Variants in NTRK3 observed in about 807,000 individuals in gnomAD.
NTRK3 encodes the protein neurotrophic receptor tyrosine kinase 3.
In NTRK3, 24 loss-of-function variants were observed where a neutral mutation model predicts 91.7. The observed-to-expected ratio is 0.26, with a 90% CI of 0.19 to 0.37. The LOEUF is 0.37. NTRK3 is among the 10% of genes least tolerant of loss of function. NTRK3 has a pLI of 1.00. For synonymous variants in NTRK3, 483 were observed against 404.0 expected (o/e 1.20, Z -2.34); for missense variants, 880 against 1,068.9 (o/e 0.82, Z 2.46).
At chr15:88,166,478 TG>T (rs939204261) in intron 5 of NTRK3, among the ~76,000 whole-genome samples, 23 of 152,252 alleles carry the variant, frequency 1.5e-4, no homozygotes, top group African/African-American at 5.3e-4. Context: ...GACTAGGGCC[TG>T]GGCGCTTCTC....
At chr15:87,956,930 G>C (rs924383547) in intron 14 of NTRK3, among the ~76,000 whole-genome samples, 1 of 152,122 alleles carries the variant, frequency 6.6e-6, no homozygotes, top group Non-Finnish European at 1.5e-5. Flanking sequence ...AGCCCACCTT[G>C]TTCTGGTTAT....
At chr15:87,905,183 T>C (rs2066690662) in intron 17 of NTRK3, among the ~76,000 whole-genome samples, 1 of 152,224 alleles carries the variant, frequency 6.6e-6, no homozygotes, top group Admixed American at 6.5e-5. Context: ...TCTACCCCTA[T>C]GACACATGTT....
chr15:88,128,720 A>G, exon 11 of NTRK3: 1 of 1,614,132 alleles, frequency 6.2e-7, no homozygotes. Flanking sequence ...CACAAGATAA[A>G]GTTATCCGTG....
At chr15:87,860,955 G>A in exon 19 of NTRK3, 1 of 223,824 alleles carries the variant, frequency 4.5e-6, no homozygotes, top group Non-Finnish European at 8.9e-6. Context: ...TGGCAATACT[G>A]TATTCATTGT....
chr15:88,249,265 G>A (rs2053132058), intron 3 of NTRK3, among the ~76,000 whole-genome samples: 1 of 152,236 alleles, frequency 6.6e-6, no homozygotes. Context: ...GAGCTCAGCA[G>A]AAGGCCTCAT....
intron 3 of NTRK3, among the ~76,000 whole-genome samples, chr15:88,197,094 CAAAAAAA>C (rs59553739): frequency 1.8e-3 from 103 of 56,552 alleles, no homozygotes; most frequent in African/African-American, 3.1e-3. Flanking sequence ...TTGAGCAGGA[CAAAAAAA>C]AAAAAAAAAA....
chr15:88,096,334 G>A (rs2049596200), intron 13 of NTRK3, among the ~76,000 whole-genome samples: 1 of 152,116 alleles, frequency 6.6e-6, no homozygotes, highest in Admixed American at 6.5e-5. Context: ...AGTTTCTGTG[G>A]CTTATATAAA....
chr15:87,954,286 A>G (rs2071453994), intron 14 of NTRK3, among the ~76,000 whole-genome samples: 1 of 152,016 alleles, frequency 6.6e-6, no homozygotes, highest in Non-Finnish European at 1.5e-5. Flanking sequence ...CCAGCTCTTT[A>G]CCCTAGAAAC....
chr15:87,989,149 CT>C (rs968858270), intron 14 of NTRK3, among the ~76,000 whole-genome samples: 2 of 152,194 alleles, frequency 1.3e-5, no homozygotes, highest in Non-Finnish European at 2.9e-5. Flanking sequence ...CATCCCATTA[CT>C]GGGTATATAC....
exon 19 of NTRK3, chr15:87,868,630 C>A (rs1438533348): frequency 1.4e-5 from 3 of 219,668 alleles, no homozygotes; most frequent in Non-Finnish European, 2.7e-5. Flanking sequence ...AACCTGAAGG[C>A]CTTTTCTCAA....
At chr15:87,880,928 T>G (rs370079678) in intron 17 of NTRK3, among the ~76,000 whole-genome samples, 3 of 152,328 alleles carry the variant, frequency 2.0e-5, no homozygotes, top group South Asian at 2.1e-4. Context: ...GACTCAGTGT[T>G]TCAAGTGAAG....
chr15:87,906,833 C>A (rs1348555309), intron 17 of NTRK3, among the ~76,000 whole-genome samples: 1 of 152,154 alleles, frequency 6.6e-6, no homozygotes, highest in Non-Finnish European at 1.5e-5. Flanking sequence ...TTCCTTCTCT[C>A]TTAAGAACCT....
intron 14 of NTRK3, among the ~76,000 whole-genome samples, chr15:87,942,856 T>C (rs2070028818): frequency 1.3e-5 from 2 of 152,178 alleles, no homozygotes; most frequent in African/African-American, 4.8e-5. Flanking sequence ...GCATTTTCAT[T>C]ATTATTGATA....
intron 3 of NTRK3, among the ~76,000 whole-genome samples, chr15:88,186,478 C>T (rs1000149953): frequency 2.0e-5 from 3 of 152,158 alleles, no homozygotes; most frequent in African/African-American, 4.8e-5. Context: ...CCACCTCCTC[C>T]GTTGAGTAGG....
chr15:87,944,873 CGT>C, intron 14 of NTRK3, among the ~76,000 whole-genome samples: 1 of 152,348 alleles, frequency 6.6e-6, no homozygotes, highest in South Asian at 2.1e-4. Flanking sequence ...TCACTTCTGA[CGT>C]CCACGCGTCT....
In NTRK3 at chr15:88,142,922, T is replaced by TA. The variant is rs199705045; in HGVS notation, c.464+4412dup. On this transcript the variant is annotated intron_variant, in intron 6 of 18. Coordinates refer to ENST00000394480, the Ensembl canonical transcript of NTRK3. ...CCTTAAATCCAATAACTGGTACCCT[T>TA]AAAAAAGAAATACTAGGCGCAGTGG... 8.4e-4 allele frequency among the ~76,000 whole-genome samples: 128 copies of TA among 152,160 alleles called. 2 individuals carry two copies. The highest frequency in any genetic ancestry group is 2.8e-3 in the African/African-American group (117 of 41,492).
In NTRK3 at chr15:88,241,418, A is replaced by T. The variant is rs972392082; in HGVS notation, c.248+14488T>A. ...TGATGGGCGCAGGGAAGAGCAACCAATCATTTCCAGGGAGACAGAACATGA... is the reference window on the plus strand; with the variant it reads ...TGATGGGCGCAGGGAAGAGCAACCATTCATTTCCAGGGAGACAGAACATGA... On this transcript the variant is annotated intron_variant, in intron 3 of 18. Transcript: ENST00000394480. This position sits in a 1 kb window ranked among gnomAD's most constrained non-coding sequence, Gnocchi z 4.3. 6.6e-6 allele frequency among the ~76,000 whole-genome samples: 1 copy of T among 152,086 alleles called. No homozygotes were observed. Among genetic ancestry groups the T allele is most frequent in the Non-Finnish European group, 1.5e-5 (1 of 67,994 alleles).
At chr15:87,912,099 A>G (rs2067117180) in intron 17 of NTRK3, among the ~76,000 whole-genome samples, 1 of 152,158 alleles carries the variant, frequency 6.6e-6, no homozygotes, top group South Asian at 2.1e-4. Flanking sequence ...ACAGACTACA[A>G]TCACCTCAAA....
At chr15:87,905,007 C>G (rs2066679490) in intron 17 of NTRK3, among the ~76,000 whole-genome samples, 1 of 152,204 alleles carries the variant, frequency 6.6e-6, no homozygotes, top group Non-Finnish European at 1.5e-5. Flanking sequence ...GGAAACTAGA[C>G]AAGGGTCCCT....
Sources: gnomAD v4.1 joint callset for allele counts (sites outside exome capture counted in the v4.1 genomes callset) on GRCh38, gnomAD v4.1.1 for gene constraint, Gnocchi (gnomAD v3.1) non-coding constraint, MANE v1.5 for transcripts, NCBI Gene and HGNC (gene_info 2026-07-23, HGNC 2026-07-21) for gene names.